OXR1: variants seen among roughly 807,000 people sequenced by gnomAD.
The protein encoded by OXR1 is oxidation resistance protein 1.
A neutral mutation model predicts 104.6 loss-of-function variants in OXR1; 41 were observed. That is an observed-to-expected ratio of 0.39 (90% CI 0.31 to 0.51). The LOEUF is 0.51. OXR1 is among the 20% of genes least tolerant of loss of function. OXR1 has a pLI of 0.77. For synonymous variants in OXR1, 348 were observed against 348.4 expected (o/e 1.00, Z 0.01); for missense variants, 955 against 1,031.9 (o/e 0.93, Z 1.02).
chr8:106,609,239 A>G (rs1190730813), intron 3 of OXR1, among the ~76,000 whole-genome samples: 1 of 152,118 alleles, frequency 6.6e-6, no homozygotes, highest in African/African-American at 2.4e-5. Flanking sequence ...AGCCCATCTC[A>G]AAAAAGTAAT....
intron 2 of OXR1, among the ~76,000 whole-genome samples, chr8:106,442,620 C>T (rs528682621): frequency 7.2e-5 from 11 of 152,188 alleles, no homozygotes; most frequent in Admixed American, 3.9e-4. Context: ...TTCAGGGATT[C>T]GACTTCTTCC....
intron 11 of OXR1, among the ~76,000 whole-genome samples, chr8:106,728,706 A>G (rs1461274515): frequency 6.6e-6 from 1 of 152,130 alleles, no homozygotes; most frequent in Non-Finnish European, 1.5e-5. Context: ...GAAGCTATTC[A>G]TGTATTTGAT....
At chr8:106,522,738 G>C (rs545848447) in intron 3 of OXR1, 1 of 152,326 alleles carries the variant, frequency 6.6e-6, no homozygotes, top group East Asian at 1.9e-4. Context: ...CAATGAAAGA[G>C]AGAAACCAAA....
At chr8:106,360,637 G>GA (rs974999419) in intron 2 of OXR1, among the ~76,000 whole-genome samples, 2 of 148,354 alleles carry the variant, frequency 1.3e-5, no homozygotes, top group South Asian at 2.1e-4. Flanking sequence ...ATCTCAGTTT[G>GA]AAAAAAAAAG....
chr8:106,520,970 G>A (rs2130125555), intron 3 of OXR1, among the ~76,000 whole-genome samples: 1 of 152,244 alleles, frequency 6.6e-6, no homozygotes, highest in Non-Finnish European at 1.5e-5. Context: ...TGAACGATGA[G>A]TTATTTTAAA....
intron 3 of OXR1, among the ~76,000 whole-genome samples, chr8:106,555,308 A>G (rs1245019366): frequency 1.3e-5 from 2 of 152,152 alleles, no homozygotes; most frequent in African/African-American, 4.8e-5. Flanking sequence ...ATATTGTGGA[A>G]TGGTCCAGGA....
At position 106,470,228 on chromosome 8, in the gene OXR1, A is replaced by G. The variant is rs1160912487; in HGVS notation, c.24-48715A>G. Among the ~76,000 whole-genome samples the G allele has an allele frequency of 2.0e-5, 3 of 151,840 alleles. No homozygotes were observed. In the East Asian group the frequency reaches 5.8e-4, roughly 29 times the overall value. On this transcript the variant is annotated intron_variant, in intron 2 of 16. Transcript: ENST00000517566. ...GCAGAAGACATCATCTGTAAATACTAAATTTTCTCATATAAACCTATTAAA... is the reference window on the plus strand; with the variant it reads ...GCAGAAGACATCATCTGTAAATACTGAATTTTCTCATATAAACCTATTAAA...
intron 2 of OXR1, among the ~76,000 whole-genome samples, chr8:106,432,882 C>A (rs1349676868): frequency 6.6e-6 from 1 of 152,064 alleles, no homozygotes; most frequent in African/African-American, 2.4e-5. Flanking sequence ...TAGTGTTTTG[C>A]TTTTAAAACT....
At position 106,697,624 on chromosome 8, in the gene OXR1, C is replaced by T. The variant is rs878915854; in HGVS notation, c.675+4747C>T. On this transcript the variant is annotated intron_variant, in intron 7 of 16. Transcript: ENST00000517566. ...GGCTACTGCCAACCCACCCAGATTCCTCAGCGTCCGCTGCACACAGGCCAT... is the reference window on the plus strand; with the variant it reads ...GGCTACTGCCAACCCACCCAGATTCTTCAGCGTCCGCTGCACACAGGCCAT... 3.7e-6 allele frequency: 6 copies of T among 1,613,596 alleles called. No individual in the cohort carries two copies. The African/African-American group carries it at 8.0e-5, about 22-fold the overall frequency.
chr8:106,661,256 A>T (rs1825734564), intron 3 of OXR1, among the ~76,000 whole-genome samples: 1 of 152,180 alleles, frequency 6.6e-6, no homozygotes, highest in Non-Finnish European at 1.5e-5. Flanking sequence ...CCACTTACTG[A>T]ACTGTTAATG....
At chr8:106,690,017 A>T (rs1205863241) in intron 6 of OXR1, among the ~76,000 whole-genome samples, 1 of 151,228 alleles carries the variant, frequency 6.6e-6, no homozygotes, top group Non-Finnish European at 1.5e-5. Flanking sequence ...TAGAATATAT[A>T]TTTTTTAACT....
intron 7 of OXR1, among the ~76,000 whole-genome samples, chr8:106,700,304 C>T (rs1830475003): frequency 6.6e-6 from 1 of 152,028 alleles, no homozygotes. Context: ...TTATGATTTT[C>T]AACTTGATCA....
Position 106,535,205 on chromosome 8 carries a change from C to T in OXR1, c.220+16066C>T, listed in dbSNP as rs529391989. Among the ~76,000 whole-genome samples the T allele has an allele frequency of 1.8e-3, 280 of 152,220 alleles. 2 individuals carry two copies. Among genetic ancestry groups the T allele is most frequent in the Non-Finnish European group, 2.6e-3 (175 of 68,006 alleles). ...GTCTCGATCTCCTGACCTCGTAGCA[C>T]GAGGTTCTTGGACGAGAACTATGAT... On this transcript the variant is annotated intron_variant, in intron 3 of 16. Transcript: ENST00000517566.
intron 10 of OXR1, among the ~76,000 whole-genome samples, chr8:106,711,808 C>T (rs1831717572): frequency 6.6e-6 from 1 of 152,018 alleles, no homozygotes; most frequent in African/African-American, 2.4e-5. Context: ...GAAGAGGAAC[C>T]ATAAGTTTAG....
chr8:106,365,253 A>C (rs534352780), intron 2 of OXR1, among the ~76,000 whole-genome samples: 18 of 152,250 alleles, frequency 1.2e-4, no homozygotes, highest in African/African-American at 4.1e-4. Flanking sequence ...CTCAGTGGTA[A>C]GTTCATGTTG....
chr8:106,742,141 A>G, intron 14 of OXR1, 81 bp from the exon 15 acceptor site: 3 of 827,718 alleles, frequency 3.6e-6, no homozygotes, highest in Non-Finnish European at 6.1e-6. Context: ...TTTGCATTTT[A>G]TTTAAACATA....
intron 2 of OXR1, among the ~76,000 whole-genome samples, chr8:106,442,262 C>T (rs536196881): frequency 2.6e-5 from 4 of 152,212 alleles, no homozygotes; most frequent in South Asian, 4.1e-4. Context: ...AGGGATGAAG[C>T]CAAGACTTGA....
At chr8:106,458,965 A>G (rs1820756937) in intron 2 of OXR1, among the ~76,000 whole-genome samples, 1 of 152,146 alleles carries the variant, frequency 6.6e-6, no homozygotes, top group Admixed American at 6.5e-5. Flanking sequence ...TTATGCCTTG[A>G]GTCTCAGCCA....
chr8:106,508,816 G>A (rs1161724866), intron 2 of OXR1, among the ~76,000 whole-genome samples: 1 of 151,910 alleles, frequency 6.6e-6, no homozygotes, highest in African/African-American at 2.4e-5. Flanking sequence ...AAGTTAAGAG[G>A]GTAGATCGTT....
Sources: gnomAD v4.1 joint callset for allele counts (sites outside exome capture counted in the v4.1 genomes callset) on GRCh38, gnomAD v4.1.1 for gene constraint, MANE v1.5 for transcripts, NCBI Gene and HGNC (gene_info 2026-07-23, HGNC 2026-07-21) for gene names.